The following VPS13D variants were observed in gnomAD, a reference collection of about 807,000 sequenced individuals.
VPS13D encodes the protein vacuolar protein sorting 13 homolog D.
A neutral mutation model predicts 461.9 loss-of-function variants in VPS13D; 187 were observed. The observed-to-expected ratio is 0.40, with a 90% CI of 0.36 to 0.46. VPS13D has a LOEUF of 0.46. Among genes scored for constraint, VPS13D ranks in the 20% least tolerant of loss-of-function variants. The pLI is 0.60. For missense variants in VPS13D, 4,711 were observed against 5,364.9 expected (o/e 0.88, Z 3.81); for synonymous variants, 1,951 against 1,986.3 (o/e 0.98, Z 0.47).
At chr1:12,300,397 G>A (rs940945019) in intron 25 of VPS13D, among the ~76,000 whole-genome samples, 1 of 151,786 alleles carries the variant, frequency 6.6e-6, no homozygotes, top group East Asian at 1.9e-4. Context: ...TAGTAGAGAC[G>A]AGGTTTCACC....
intron 29 of VPS13D, among the ~76,000 whole-genome samples, chr1:12,313,240 G>A (rs1323754037): frequency 1.3e-5 from 2 of 150,266 alleles, no homozygotes; most frequent in Non-Finnish European, 2.9e-5. Context: ...TGAGAGCGTT[G>A]CATACTGAAA....
intron 21 of VPS13D, among the ~76,000 whole-genome samples, chr1:12,287,697 CAG>C (rs1291189619): frequency 9.9e-5 from 15 of 152,140 alleles, no homozygotes; most frequent in African/African-American, 1.9e-4. Flanking sequence ...ACTTCCAAGA[CAG>C]GGGATTTTTT....
Position 12,349,279 on chromosome 1 carries a change from T to C in VPS13D, c.9336T>C (p.Ala3112=). 6.2e-7 allele frequency: 1 copy of C among 1,614,166 alleles called. No homozygotes were observed. Among genetic ancestry groups the C allele is most frequent in the South Asian group, 1.1e-5 (1 of 91,080 alleles). The change falls in exon 46 of 70, where the codon GCT becomes GCC. Residue 3112 remains alanine, a synonymous_variant. Transcript: ENST00000620676. ...GATTGGGTGTATTTTTCTGTAAGGC[T>C]CCCATTCATTGGACCAATGTAGTGA... The part of the protein sequence containing the change: ...PKGLGVFFCK[A]PIHWTNVVKT...
rs960092532 is a variant in VPS13D, at chr1:12,431,065, A to G, written c.12333+14238A>G. ...TTGTTTCTCTGTAAAAGGTAAAAAC[A>G]TAACAGTGAACTGTGTCTAACTTAT... On this transcript the variant is annotated intron_variant, in intron 65 of 69. Transcript: ENST00000620676. Among the ~76,000 whole-genome samples the G allele has an allele frequency of 4.6e-5, 7 of 152,376 alleles. No homozygotes were observed. The East Asian group carries it at 1.3e-3, about 29-fold the overall frequency.
rs573674797 is a variant in VPS13D, at chr1:12,323,611, G to A, written c.7916-95G>A. 87 of 1,229,398 alleles carry A rather than the reference G, an allele frequency of 7.1e-5. 2 individuals are homozygous for A. The East Asian group carries it at 8.8e-4, about 12-fold the overall frequency. The allele number at this position is 1,229,398 out of a possible 1,614,324, so 76.2% of individuals were successfully genotyped here. A position where few individuals can be genotyped will look rare whatever the true frequency, so the allele number is the denominator to read the frequency against. On this transcript the variant is annotated intron_variant, in intron 34 of 69. Transcript: ENST00000620676. ...TAGAGAAATGAAATGTTTTAGTCAC[G>A]GGTTTTTAAATTTCTTTTCTTTTTT... is the stretch of plus-strand genomic sequence containing the variant.
intron 65 of VPS13D, among the ~76,000 whole-genome samples, chr1:12,452,878 C>T (rs1645280228): frequency 6.6e-6 from 1 of 152,196 alleles, no homozygotes; most frequent in Non-Finnish European, 1.5e-5. Flanking sequence ...TGACTGTTAA[C>T]AAGTGGCAAA....
intron 24 of VPS13D, among the ~76,000 whole-genome samples, chr1:12,298,532 C>G (rs1345971136): frequency 6.6e-6 from 1 of 151,752 alleles, no homozygotes; most frequent in Admixed American, 6.6e-5. Context: ...CCCAGCTACT[C>G]GGGAGGCTGA....
At chr1:12,482,029 C>G (rs1645725040) in intron 67 of VPS13D, among the ~76,000 whole-genome samples, 1 of 152,194 alleles carries the variant, frequency 6.6e-6, no homozygotes, top group Admixed American at 6.5e-5. Context: ...TGGCTGGTTA[C>G]TGCAAGCAAG....
chr1:12,355,546 T>G (rs1354325580), intron 47 of VPS13D, among the ~76,000 whole-genome samples: 1 of 152,186 alleles, frequency 6.6e-6, no homozygotes, highest in Non-Finnish European at 1.5e-5. Flanking sequence ...CCCCAAAATA[T>G]GTACAGTTAT....
chr1:12,308,622 G>A lies in VPS13D; in HGVS notation c.6631G>A (p.Val2211Met), dbSNP rs956474286. The A allele has an allele frequency of 2.0e-5, 32 of 1,613,458 alleles. No individual in the cohort carries two copies. Among genetic ancestry groups the A allele is most frequent in the Non-Finnish European group, 2.7e-5 (32 of 1,179,896 alleles). Reference sequence around the variant, plus strand: ...CGAGCCTTGTAGGCTGAAATTGCAGGTGGAAAGGAATTTGGACAAGTGAGT... The same window carrying A: ...CGAGCCTTGTAGGCTGAAATTGCAGATGGAAAGGAATTTGGACAAGTGAGT... ...LTEPCRLKLQ[V>M]ERNLDKEISH... The change falls in exon 27 of 70, where the codon GTG (valine) becomes ATG (methionine). Residue 2211 changes from valine to methionine, a missense_variant. Physicochemically the swap from Val to Met is conservative, Grantham distance 21. Around this residue, in one of 3 missense-constraint regions of VPS13D, gnomAD observed 4,411 missense variants for 4,937.8 expected, o/e 0.89. Transcript: ENST00000620676.
chr1:12,461,620 C>T (rs913378770), intron 67 of VPS13D, among the ~76,000 whole-genome samples: 5 of 152,098 alleles, frequency 3.3e-5, no homozygotes, highest in Non-Finnish European at 1.5e-5. Flanking sequence ...CATCTCTGCT[C>T]GAAGCCCAAG....
At chr1:12,329,145 A>T (rs1411834533) in intron 36 of VPS13D, among the ~76,000 whole-genome samples, 1 of 152,170 alleles carries the variant, frequency 6.6e-6, no homozygotes. Context: ...GCTAATATTT[A>T]TCAGAACATG....
intron 68 of VPS13D, among the ~76,000 whole-genome samples, chr1:12,501,249 G>A (rs1165073046): frequency 6.6e-6 from 1 of 151,976 alleles, no homozygotes; most frequent in Non-Finnish European, 1.5e-5. Flanking sequence ...GATTCTAATA[G>A]CATATCATTA....
intron 22 of VPS13D, among the ~76,000 whole-genome samples, chr1:12,288,744 A>G (rs1200665548): frequency 2.0e-5 from 3 of 152,088 alleles, no homozygotes; most frequent in Non-Finnish European, 2.9e-5. Flanking sequence ...TGTCTCTGGG[A>G]AACCAGAGGA....
intron 13 of VPS13D, among the ~76,000 whole-genome samples, chr1:12,263,088 T>C (rs1484375493): frequency 1.3e-5 from 2 of 152,200 alleles, no homozygotes; most frequent in African/African-American, 4.8e-5. Context: ...TTATTAACAT[T>C]GAACTCATGG....
chr1:12,500,149 T>C, intron 68 of VPS13D: 1 of 985,130 alleles, frequency 1.0e-6, no homozygotes, highest in South Asian at 4.7e-5. Flanking sequence ...AACTTTATTC[T>C]CCCAGATCGA....
At chr1:12,402,340 C>G (rs1251303581) in intron 62 of VPS13D, among the ~76,000 whole-genome samples, 1 of 152,160 alleles carries the variant, frequency 6.6e-6, no homozygotes, top group Non-Finnish European at 1.5e-5. Flanking sequence ...CCTTTCCTTC[C>G]GCTCTTAGAT....
chr1:12,335,893 G>A lies in VPS13D; in HGVS notation c.8551+66G>A, dbSNP rs752211969. The A allele has an allele frequency of 3.1e-6, 5 of 1,602,722 alleles. No homozygotes were observed. In the East Asian group the frequency reaches 9.0e-5, roughly 29 times the overall value. ...GACCTACAAAGCAATGCTTCACTGA[G>A]AAATTCAAATGGAACCATCATTCTG... On this transcript the variant is annotated intron_variant, in intron 39 of 69. Transcript: ENST00000620676.
At chr1:12,439,777 G>A (rs1015554159) in intron 65 of VPS13D, among the ~76,000 whole-genome samples, 2 of 152,176 alleles carry the variant, frequency 1.3e-5, no homozygotes, top group African/African-American at 4.8e-5. Flanking sequence ...ACAGACCCTT[G>A]GAGTTAGGCA....
Sources: allele counts gnomAD v4.1 joint callset (sites outside exome capture counted in the v4.1 genomes callset), GRCh38; gene constraint gnomAD v4.1.1; regional missense constraint gnomAD v4.1.1; transcripts MANE v1.5; gene names NCBI Gene and HGNC (gene_info 2026-07-23, HGNC 2026-07-21).